JAKMIP2: variants seen among roughly 807,000 people sequenced by gnomAD.
The protein encoded by JAKMIP2 is janus kinase and microtubule-interacting protein 2.
A neutral mutation model predicts 115.0 loss-of-function variants in JAKMIP2; 25 were observed. The ratio of observed to expected loss-of-function variants is 0.22; its 90% CI spans 0.16 to 0.30. The LOEUF is 0.30. JAKMIP2 is among the 10% of genes least tolerant of loss of function. The pLI is 1.00. For missense variants in JAKMIP2, 642 were observed against 957.6 expected, an observed-to-expected ratio of 0.67 and a Z score of 4.35; for synonymous variants, 334 against 343.6, an observed-to-expected ratio of 0.97 and a Z score of 0.31.
intron 1 of JAKMIP2, among the ~76,000 whole-genome samples, chr5:147,710,915 CAAAT>C (rs920639270): frequency 6.6e-6 from 1 of 152,118 alleles, no homozygotes; most frequent in Non-Finnish European, 1.5e-5. Context: ...GTCTAGGTAA[CAAAT>C]GAATGTTTCT....
intron 1 of JAKMIP2, among the ~76,000 whole-genome samples, chr5:147,764,926 G>GAAAGAAAGAAAGAAAGAAAGAAA (rs1362134819): frequency 1.2e-5 from 1 of 86,322 alleles, no homozygotes; most frequent in African/African-American, 6.6e-5. Context: ...AAGAAAGAGA[G>GAAAGAAAGAAAGAAAGAAAGAAA]AGAGAGAGAG....
chr5:147,740,934 C>G (rs891913639), intron 1 of JAKMIP2, among the ~76,000 whole-genome samples: 11 of 152,082 alleles, frequency 7.2e-5, no homozygotes, highest in Admixed American at 5.2e-4. Context: ...GATCATAGAT[C>G]GCTACAGCTG....
chr5:147,649,364 C>T (rs1407314243), intron 4 of JAKMIP2, among the ~76,000 whole-genome samples: 1 of 152,084 alleles, frequency 6.6e-6, no homozygotes, highest in Non-Finnish European at 1.5e-5. Context: ...ACACCATGCT[C>T]AACATTTTAC....
chr5:147,678,754 C>T (rs994639800), intron 1 of JAKMIP2, among the ~76,000 whole-genome samples: 6 of 152,026 alleles, frequency 3.9e-5, no homozygotes, highest in Non-Finnish European at 8.8e-5. Context: ...TTTCACATTG[C>T]ATGCCTGTAT....
chr5:147,667,207 T>C (rs2126795830), intron 2 of JAKMIP2, among the ~76,000 whole-genome samples: 1 of 152,132 alleles, frequency 6.6e-6, no homozygotes, highest in Middle Eastern at 3.4e-3. Flanking sequence ...GAGCACTCGG[T>C]AGGGCTTTGA....
At chr5:147,719,619 T>C (rs1448896950) in intron 1 of JAKMIP2, among the ~76,000 whole-genome samples, 1 of 152,048 alleles carries the variant, frequency 6.6e-6, no homozygotes, top group Non-Finnish European at 1.5e-5. Flanking sequence ...TCTTTGTCTC[T>C]TTTGATCTTT....
intron 13 of JAKMIP2, among the ~76,000 whole-genome samples, chr5:147,632,216 G>A (rs1248472487): frequency 3.3e-5 from 5 of 151,888 alleles, no homozygotes; most frequent in South Asian, 4.2e-4. Context: ...ATGCATTAGG[G>A]ACTAAAACGT....
intron 1 of JAKMIP2, among the ~76,000 whole-genome samples, chr5:147,710,440 A>G (rs1271038205): frequency 1.3e-5 from 2 of 152,220 alleles, no homozygotes; most frequent in African/African-American, 4.8e-5. Flanking sequence ...GGGAGAAGAA[A>G]AAGATTTAAG....
chr5:147,618,461 G>A (rs1756691507), intron 18 of JAKMIP2, among the ~76,000 whole-genome samples: 2 of 152,100 alleles, frequency 1.3e-5, no homozygotes, highest in African/African-American at 4.8e-5. Flanking sequence ...CTCTGGCCAG[G>A]CACGGTGGCT....
At chr5:147,645,283 C>G (rs1758080565) in intron 5 of JAKMIP2, among the ~76,000 whole-genome samples, 1 of 152,158 alleles carries the variant, frequency 6.6e-6, no homozygotes, top group Non-Finnish European at 1.5e-5. Context: ...AGGACGCGCT[C>G]TCCTTGCTTT....
chr5:147,707,798 G>C (rs1243762225), intron 1 of JAKMIP2, among the ~76,000 whole-genome samples: 1 of 152,164 alleles, frequency 6.6e-6, no homozygotes, highest in Non-Finnish European at 1.5e-5. Context: ...GCAATAGTAA[G>C]TACAGAGTCT....
intron 1 of JAKMIP2, among the ~76,000 whole-genome samples, chr5:147,719,639 A>C (rs373849167): frequency 6.6e-6 from 1 of 151,476 alleles, no homozygotes; most frequent in African/African-American, 2.4e-5. Context: ...TGTTGGTTTA[A>C]AGTCTGTTTT....
At chr5:147,721,716 G>T (rs868122582) in intron 1 of JAKMIP2, among the ~76,000 whole-genome samples, 11 of 152,010 alleles carry the variant, frequency 7.2e-5, no homozygotes, top group African/African-American at 2.4e-4. Context: ...GCTCGCGCAC[G>T]GTGCGCGCAC....
At chr5:147,719,555 A>C (rs1184863512) in intron 1 of JAKMIP2, among the ~76,000 whole-genome samples, 2 of 152,180 alleles carry the variant, frequency 1.3e-5, no homozygotes, top group African/African-American at 2.4e-5. Context: ...ATATATATTC[A>C]GGATAGTTAG....
rs185841450 is a variant in JAKMIP2 at position 147,640,941 on chromosome 5, C to A, written c.1282-118G>T. The stretch of plus-strand genomic sequence containing the variant: ...ATATAGAAGACATGGATCCTCTATG[C>A]TTCTTTGTTGAAATAAAAACATTAG... On this transcript the variant is annotated intron_variant, in intron 8 of 21. Coordinates refer to ENST00000616793, the MANE Select transcript of JAKMIP2 (RefSeq NM_001270941.2). The A allele has an allele frequency of 4.9e-4, 385 of 784,832 alleles. 4 individuals are homozygous for A. In the African/African-American group the frequency reaches 6.5e-3, roughly 13 times the overall value. The allele number at this position is 784,832 out of a possible 1,614,324, so 48.6% of individuals were successfully genotyped here. A position where few individuals can be genotyped will look rare whatever the true frequency, so the allele number is the denominator to read the frequency against.
chr5:147,715,486 A>G (rs1408249014), intron 1 of JAKMIP2, among the ~76,000 whole-genome samples: 1 of 151,092 alleles, frequency 6.6e-6, no homozygotes, highest in Non-Finnish European at 1.5e-5. Flanking sequence ...TTACTATATT[A>G]TATATAACAT....
At chr5:147,595,621 G>A (rs1471841965) in intron 21 of JAKMIP2, 4 of 439,200 alleles carry the variant, frequency 9.1e-6, no homozygotes, top group African/African-American at 2.0e-5. Flanking sequence ...CTAAGACAGA[G>A]AGTTATAATG....
intron 1 of JAKMIP2, among the ~76,000 whole-genome samples, chr5:147,676,781 G>A (rs1044105377): frequency 6.6e-6 from 1 of 152,214 alleles, no homozygotes; most frequent in African/African-American, 2.4e-5. Context: ...CATTGCTTAA[G>A]AGCACACCTT....
intron 1 of JAKMIP2, among the ~76,000 whole-genome samples, chr5:147,745,220 A>G (rs1754310217): frequency 6.6e-6 from 1 of 152,186 alleles, no homozygotes; most frequent in Non-Finnish European, 1.5e-5. Flanking sequence ...CACTTTACCA[A>G]TGATCTGAGA....
Sources: gnomAD v4.1 joint callset for allele counts (sites outside exome capture counted in the v4.1 genomes callset) on GRCh38, gnomAD v4.1.1 for gene constraint, MANE v1.5 for transcripts, NCBI Gene and HGNC (gene_info 2026-07-23, HGNC 2026-07-21) for gene names.